The following GTF2H5 variants were observed in gnomAD, a reference collection of about 807,000 sequenced individuals.
GTF2H5 encodes TFB5 ortholog.
A neutral mutation model predicts 7.1 loss-of-function variants in GTF2H5; 5 were observed. The observed-to-expected ratio is 0.71, with a 90% CI of 0.37 to 1.49. GTF2H5 has a LOEUF of 1.49. Ranked by LOEUF, GTF2H5 falls within the 40% of genes most tolerant of loss-of-function variation. The pLI is 0.03. For missense variants in GTF2H5, 80 were observed against 83.0 expected (o/e 0.96, Z 0.14); for synonymous variants, 30 against 31.7 (o/e 0.95, Z 0.18).
At chr6:158,169,311 ATATGTATAT>A (rs1286732180) in intron 1 of GTF2H5, among the ~76,000 whole-genome samples, 78 of 123,124 alleles carry the variant, frequency 6.3e-4, no homozygotes, top group African/African-American at 2.2e-3. Context: ...ATAATATATA[ATATGTATAT>A]TATGTATATT....
chr6:158,171,698 G>A (rs927536203), intron 2 of GTF2H5, among the ~76,000 whole-genome samples: 9 of 152,184 alleles, frequency 5.9e-5, no homozygotes, highest in South Asian at 4.1e-4. Flanking sequence ...TGGAGACTTC[G>A]GAGAAGTTTT....
intron 2 of GTF2H5, among the ~76,000 whole-genome samples, chr6:158,188,533 T>C (rs545106754): frequency 3.2e-4 from 48 of 152,352 alleles, no homozygotes; most frequent in African/African-American, 1.1e-3. Flanking sequence ...TTTTTCTATT[T>C]TATGTTTCCA....
chr6:158,192,413 A>G lies in GTF2H5; in HGVS notation c.*256A>G. On this transcript the variant is annotated 3_prime_UTR_variant, in exon 3 of 3. Coordinates refer to ENST00000607778, the MANE Select transcript of GTF2H5 (RefSeq NM_207118.3). Reference sequence around the variant, plus strand: ...TATCCTTTATTAAAATACAAATGTCAATGCTTTTCCTGCCTTTTTAATACC... The same window carrying G: ...TATCCTTTATTAAAATACAAATGTCGATGCTTTTCCTGCCTTTTTAATACC... 2 of 435,950 alleles carry G rather than the reference A, an allele frequency of 4.6e-6. No homozygotes were observed. 27.0% of individuals were successfully genotyped at this position (435,950 alleles called of 1,614,324 possible).
rs572705876 is a variant in GTF2H5 at position 158,168,707 on chromosome 6, G to T, written c.-35+312G>T. On this transcript the variant is annotated intron_variant, in intron 1 of 2. Coordinates refer to ENST00000607778, the MANE Select transcript of GTF2H5 (RefSeq NM_207118.3). ...GTCCGCACGGGACGTGATTTATTTAGTGAAGGGGCACAAGATCTGGAGATC... is the reference window on the plus strand; with the variant it reads ...GTCCGCACGGGACGTGATTTATTTATTGAAGGGGCACAAGATCTGGAGATC... Among the ~76,000 whole-genome samples, 31 of 152,380 alleles carry T rather than the reference G, an allele frequency of 2.0e-4. 1 individual carries two copies. In the South Asian group the frequency reaches 3.5e-3, roughly 17 times the overall value.
intron 2 of GTF2H5, among the ~76,000 whole-genome samples, chr6:158,178,771 A>C (rs1033494575): frequency 6.6e-6 from 1 of 152,158 alleles, no homozygotes; most frequent in African/African-American, 2.4e-5. Flanking sequence ...AGACAGGTAG[A>C]TTGCAAAAAT....
chr6:158,169,395 TATTATATTG>T (rs1785720487), intron 1 of GTF2H5, among the ~76,000 whole-genome samples: 1 of 88,466 alleles, frequency 1.1e-5, no homozygotes, highest in Non-Finnish European at 1.9e-5. Context: ...TTATATATAA[TATTATATTG>T]TATATTATAT....
At chr6:158,178,860 C>T (rs537924667) in intron 2 of GTF2H5, among the ~76,000 whole-genome samples, 3 of 152,238 alleles carry the variant, frequency 2.0e-5, no homozygotes, top group Admixed American at 2.0e-4. Context: ...TAATTAGATC[C>T]CACTTGTCAT....
chr6:158,171,167 C>T (rs1785851046), intron 2 of GTF2H5, among the ~76,000 whole-genome samples: 1 of 152,172 alleles, frequency 6.6e-6, no homozygotes, highest in Non-Finnish European at 1.5e-5. Context: ...TTTAGAACAG[C>T]ACTAGCCAAT....
rs576636606 is a variant in GTF2H5, at chr6:158,197,367, A to G, written c.*5210A>G. ...TGAGTCGTTATGCTCAAAATATCCA[A>G]TAATATTTCTTTTGCTGAGCTGTAA... On this transcript the variant is annotated 3_prime_UTR_variant, in exon 3 of 3. Coordinates refer to ENST00000607778, the MANE Select transcript of GTF2H5 (RefSeq NM_207118.3). 1.8e-5 allele frequency: 3 copies of G among 167,170 alleles called. No individual in the cohort carries two copies. Among genetic ancestry groups the G allele is most frequent in the African/African-American group, 7.2e-5 (3 of 41,746 alleles). The allele number at this position is 167,170 out of a possible 1,614,324, so 10.4% of individuals were successfully genotyped here.
chr6:158,171,587 G>A (rs1335107121), intron 2 of GTF2H5, among the ~76,000 whole-genome samples: 15 of 152,182 alleles, frequency 9.9e-5, no homozygotes, highest in Non-Finnish European at 4.4e-5. Context: ...ACTGGCATGA[G>A]ATGAAGACTG....
intron 2 of GTF2H5, among the ~76,000 whole-genome samples, chr6:158,173,306 ACT>A (rs764095916): frequency 1.3e-5 from 2 of 152,166 alleles, no homozygotes; most frequent in African/African-American, 2.4e-5. Context: ...CAAAAGGGTA[ACT>A]CTGTCTTCCC....
chr6:158,178,542 T>G (rs944412161), intron 2 of GTF2H5, among the ~76,000 whole-genome samples: 1 of 152,102 alleles, frequency 6.6e-6, no homozygotes, highest in African/African-American at 2.4e-5. Context: ...TGATCGCAAT[T>G]CTAACTGGTG....
In GTF2H5 at chr6:158,199,327, A is replaced by C. The variant is rs1257390784; in HGVS notation, c.*7170A>C. The C allele has an allele frequency of 6.6e-6, 1 of 152,178 alleles. No individual in the cohort carries two copies. The highest frequency in any genetic ancestry group is 1.5e-5 in the Non-Finnish European group (1 of 68,038). 9.4% of individuals were successfully genotyped at this position (152,178 alleles called of 1,614,324 possible). A position where few individuals can be genotyped will look rare whatever the true frequency, so the allele number is the denominator to read the frequency against. On this transcript the variant is annotated 3_prime_UTR_variant, in exon 3 of 3. Transcript: ENST00000607778. ...ACATGCACCCCCTGAGTCTAAAATA[A>C]AAATTTTAAAAAAACTATATCTGTC... is the stretch of plus-strand genomic sequence containing the variant.
At position 158,185,161 on chromosome 6, in the gene GTF2H5, T is replaced by A. The variant is rs1478112650; in HGVS notation, c.36-6816T>A. On this transcript the variant is annotated intron_variant, in intron 2 of 2. Transcript: ENST00000607778. ...ACTTTGAGTGTCTTTTTTTTTTTTT[T>A]AATAATTAAAGAGTCTTTTTAAATC... Among the ~76,000 whole-genome samples, 5 of 151,726 alleles carry A rather than the reference T, an allele frequency of 3.3e-5. No homozygotes were observed. The East Asian group carries it at 5.8e-4, about 18-fold the overall frequency.
chr6:158,188,315 T>C (rs1776963089), intron 2 of GTF2H5, among the ~76,000 whole-genome samples: 1 of 152,198 alleles, frequency 6.6e-6, no homozygotes, highest in African/African-American at 2.4e-5. Context: ...CCTCCCCTTC[T>C]ACCTTTATTT....
intron 2 of GTF2H5, among the ~76,000 whole-genome samples, chr6:158,171,462 A>C (rs1785855582): frequency 6.6e-6 from 1 of 152,228 alleles, no homozygotes; most frequent in Non-Finnish European, 1.5e-5. Context: ...GTTTTGATAC[A>C]GGAGACACCA....
intron 1 of GTF2H5, among the ~76,000 whole-genome samples, chr6:158,169,485 ATATTGTATAT>A (rs1171003997): frequency 1.7e-5 from 1 of 58,390 alleles, no homozygotes; most frequent in African/African-American, 9.4e-5. Context: ...TATATATAAT[ATATTGTATAT>A]TATATAATAT....
chr6:158,188,474 T>C (rs1254131395), intron 2 of GTF2H5, among the ~76,000 whole-genome samples: 2 of 152,234 alleles, frequency 1.3e-5, no homozygotes, highest in African/African-American at 4.8e-5. Flanking sequence ...GCACCCTGTT[T>C]AACCTGCTTC....
At position 158,197,599 on chromosome 6, in the gene GTF2H5, G is replaced by C. The variant is rs989511800; in HGVS notation, c.*5442G>C. ...AGTCATTTTGCTTGTTGACTTTTTG[G>C]AGGGCCAAATAAAGATATCATCTGC... On this transcript the variant is annotated 3_prime_UTR_variant, in exon 3 of 3. Coordinates refer to ENST00000607778, the MANE Select transcript of GTF2H5 (RefSeq NM_207118.3). The C allele has an allele frequency of 6.6e-6, 1 of 152,042 alleles. No homozygotes were observed. Among genetic ancestry groups the C allele is most frequent in the Admixed American group, 6.6e-5 (1 of 15,252 alleles). The allele number at this position is 152,042 out of a possible 1,614,324, so 9.4% of individuals were successfully genotyped here.
Sources: gnomAD v4.1 joint callset for allele counts (sites outside exome capture counted in the v4.1 genomes callset) on GRCh38, gnomAD v4.1.1 for gene constraint, MANE v1.5 for transcripts, NCBI Gene and HGNC (gene_info 2026-07-23, HGNC 2026-07-21) for gene names.